Variants in VAT1L observed in about 807,000 individuals in gnomAD.
VAT1L encodes vesicle amine transport 1 like.
A neutral mutation model predicts 44.1 loss-of-function variants in VAT1L; 34 were observed. The observed-to-expected ratio is 0.77, with a 90% CI of 0.59 to 1.03. VAT1L has a LOEUF of 1.03. Among genes scored for constraint, VAT1L ranks in the 50% least tolerant of loss-of-function variants. VAT1L has a pLI of 0.00. For synonymous variants in VAT1L, 253 were observed against 202.2 expected (o/e 1.25, Z -2.13); for missense variants, 615 against 538.8 (o/e 1.14, Z -1.40).
At chr16:77,916,091 C>T (rs558222705) in intron 7 of VAT1L, among the ~76,000 whole-genome samples, 2 of 152,274 alleles carry the variant, frequency 1.3e-5, no homozygotes, top group South Asian at 2.1e-4. Flanking sequence ...GTGCAGGCAG[C>T]ATCAGCAAGA....
intron 4 of VAT1L, among the ~76,000 whole-genome samples, chr16:77,867,808 C>G (rs377324133): frequency 1.3e-5 from 2 of 150,112 alleles, no homozygotes; most frequent in Non-Finnish European, 3.0e-5. Flanking sequence ...GCAGTGAGCC[C>G]AGATTATGCC....
intron 2 of VAT1L, among the ~76,000 whole-genome samples, chr16:77,817,286 C>A (rs929289297): frequency 2.0e-5 from 3 of 152,080 alleles, no homozygotes; most frequent in Non-Finnish European, 4.4e-5. Context: ...CTTGTCTCCC[C>A]CTTCATTCAT....
chr16:77,924,379 G>A (rs1475463410), intron 7 of VAT1L, among the ~76,000 whole-genome samples: 1 of 152,042 alleles, frequency 6.6e-6, no homozygotes, highest in Non-Finnish European at 1.5e-5. Context: ...TTTAGTGTAT[G>A]AGAGCCGGGA....
At position 77,906,168 on chromosome 16, in the gene VAT1L, G is replaced by A. The variant is rs1443816593; in HGVS notation, c.1077+21366G>A. Among the ~76,000 whole-genome samples the A allele has an allele frequency of 4.6e-5, 7 of 152,152 alleles. No individual in the cohort carries two copies. The East Asian group carries it at 5.8e-4, about 13-fold the overall frequency. On this transcript the variant is annotated intron_variant, in intron 7 of 8. Coordinates refer to ENST00000302536, the MANE Select transcript of VAT1L (RefSeq NM_020927.3). Reference sequence around the variant, plus strand: ...AAGTTTGTCACTTACTCTGTGCTAGGGGATGTTGTAAGGTGAGGACAGCAA... The same window carrying A: ...AAGTTTGTCACTTACTCTGTGCTAGAGGATGTTGTAAGGTGAGGACAGCAA...
chr16:77,952,369 G>T (rs891627908), intron 7 of VAT1L, among the ~76,000 whole-genome samples: 2 of 152,076 alleles, frequency 1.3e-5, no homozygotes, highest in African/African-American at 4.8e-5. Flanking sequence ...TCGGATCAGG[G>T]GAGCAGGTCC....
At chr16:77,876,523 A>C in intron 5 of VAT1L, 50 bp downstream of exon 5, 2 of 1,509,900 alleles carry the variant, frequency 1.3e-6, no homozygotes, top group Non-Finnish European at 9.2e-7. Flanking sequence ...GTACCTCTAC[A>C]TATGTGCCTG....
At chr16:77,837,055 G>T (rs1313651918) in intron 3 of VAT1L, among the ~76,000 whole-genome samples, 1 of 152,126 alleles carries the variant, frequency 6.6e-6, no homozygotes, top group South Asian at 2.1e-4. Context: ...GCTGGCATGT[G>T]CACTCTCTTT....
At chr16:77,894,583 A>G (rs2017301555) in intron 7 of VAT1L, among the ~76,000 whole-genome samples, 1 of 152,146 alleles carries the variant, frequency 6.6e-6, no homozygotes, top group Non-Finnish European at 1.5e-5. Context: ...GGAACTGCTG[A>G]TGGGGCATGG....
rs1396743346 is a variant in VAT1L at position 77,968,181 on chromosome 16, A to G, written c.1078-3669A>G. 2.6e-5 allele frequency among the ~76,000 whole-genome samples: 4 copies of G among 152,238 alleles called. No homozygotes were observed. The East Asian group carries it at 5.8e-4, about 22-fold the overall frequency. Reference sequence around the variant, plus strand: ...TGAGTGGGGAATCTGGGCACAGCTTAGTTGGTCCTTTGATTCTCACAAGGC... The same window carrying G: ...TGAGTGGGGAATCTGGGCACAGCTTGGTTGGTCCTTTGATTCTCACAAGGC... On this transcript the variant is annotated intron_variant, in intron 7 of 8. Transcript: ENST00000302536.
At chr16:77,799,562 G>A (rs1396605518) in intron 1 of VAT1L, among the ~76,000 whole-genome samples, 1 of 147,660 alleles carries the variant, frequency 6.8e-6, no homozygotes, top group Non-Finnish European at 1.5e-5. Flanking sequence ...TGTGTGGTGT[G>A]TATTGGGGGA....
intron 3 of VAT1L, among the ~76,000 whole-genome samples, chr16:77,831,903 C>T (rs1044214420): frequency 6.6e-6 from 1 of 151,866 alleles, no homozygotes; most frequent in Non-Finnish European, 1.5e-5. Flanking sequence ...GCAACTTCTG[C>T]CTCCCGGCTT....
At chr16:77,899,830 C>T (rs1238107661) in intron 7 of VAT1L, among the ~76,000 whole-genome samples, 1 of 152,256 alleles carries the variant, frequency 6.6e-6, no homozygotes, top group Non-Finnish European at 1.5e-5. Context: ...TAAGTAGTAG[C>T]ACAGATTCCC....
chr16:77,833,749 CA>C (rs1209780997), intron 3 of VAT1L, among the ~76,000 whole-genome samples: 10 of 126,572 alleles, frequency 7.9e-5, no homozygotes, highest in Non-Finnish European at 6.7e-5. Context: ...GACTCTGTCT[CA>C]AAAAAAAAAG....
intron 3 of VAT1L, among the ~76,000 whole-genome samples, chr16:77,859,487 T>A (rs2016894367): frequency 6.6e-6 from 1 of 152,110 alleles, no homozygotes; most frequent in Admixed American, 6.5e-5. Context: ...GCCAGTCTAG[T>A]GTGATAAACT....
intron 1 of VAT1L, among the ~76,000 whole-genome samples, chr16:77,811,530 A>G (rs1227429720): frequency 6.6e-6 from 1 of 152,214 alleles, no homozygotes; most frequent in South Asian, 2.1e-4. Flanking sequence ...TGGCAGTCAT[A>G]TAAAAAGGGC....
chr16:77,807,392 C>T (rs894782192), intron 1 of VAT1L, among the ~76,000 whole-genome samples: 2 of 152,202 alleles, frequency 1.3e-5, no homozygotes, highest in Non-Finnish European at 2.9e-5. Context: ...GCCCTCATTC[C>T]TGACTGGTTG....
intron 1 of VAT1L, among the ~76,000 whole-genome samples, chr16:77,809,924 A>G (rs1178613651): frequency 6.6e-6 from 1 of 152,240 alleles, no homozygotes; most frequent in African/African-American, 2.4e-5. Context: ...TTTATCAGCA[A>G]CTTGGATGTA....
At chr16:77,968,463 C>T (rs192713146) in intron 7 of VAT1L, among the ~76,000 whole-genome samples, 4 of 152,284 alleles carry the variant, frequency 2.6e-5, no homozygotes, top group African/African-American at 7.2e-5. Flanking sequence ...CGGTGGCTCA[C>T]GCCTGTAATC....
intron 7 of VAT1L, among the ~76,000 whole-genome samples, chr16:77,910,471 G>T (rs2017487734): frequency 6.6e-6 from 1 of 152,024 alleles, no homozygotes. Context: ...AGGAGATCGA[G>T]ACCATCCTGG....
Sources: allele counts gnomAD v4.1 joint callset (sites outside exome capture counted in the v4.1 genomes callset), GRCh38; gene constraint gnomAD v4.1.1; transcripts MANE v1.5; gene names NCBI Gene and HGNC (gene_info 2026-07-23, HGNC 2026-07-21).